The following RFC3 variants were observed in gnomAD, a reference collection of about 807,000 sequenced individuals.
RFC3 encodes replication factor C subunit 3, also known as A1 38 kDa subunit.
A neutral mutation model predicts 45.1 loss-of-function variants in RFC3; 41 were observed. That is an observed-to-expected ratio of 0.91 (90% CI 0.71 to 1.18). The LOEUF (loss-of-function observed/expected upper bound fraction) is 1.18. Among genes scored for constraint, RFC3 ranks in the 50% most tolerant of loss-of-function variants. The probability of loss-of-function intolerance (pLI) is 0.00; values close to 1 mark genes in which losing one functional copy is unlikely to be tolerated. For synonymous variants in RFC3, 149 were observed against 144.0 expected (o/e 1.03, Z -0.25); for missense variants, 423 against 428.1 (o/e 0.99, Z 0.10).
chr13:33,938,352 A>C (rs1480133662), intron 8 of RFC3, among the ~76,000 whole-genome samples: 1 of 152,160 alleles, frequency 6.6e-6, no homozygotes, highest in Non-Finnish European at 1.5e-5. Flanking sequence ...TATATTTTTT[A>C]ACTTTTTATT....
At chr13:33,861,855 G>T (rs1264927484) in intron 8 of RFC3, among the ~76,000 whole-genome samples, 1 of 152,120 alleles carries the variant, frequency 6.6e-6, no homozygotes, top group Non-Finnish European at 1.5e-5. Context: ...ATTTACTGCA[G>T]AATACCCTTT....
intron 8 of RFC3, among the ~76,000 whole-genome samples, chr13:33,869,930 T>C (rs2082396816): frequency 6.6e-6 from 1 of 152,186 alleles, no homozygotes; most frequent in Non-Finnish European, 1.5e-5. Context: ...AACCTGATGC[T>C]GTACAAATCT....
intron 8 of RFC3, among the ~76,000 whole-genome samples, chr13:33,866,741 G>A (rs762014968): frequency 2.0e-5 from 3 of 152,040 alleles, no homozygotes; most frequent in African/African-American, 7.2e-5. Flanking sequence ...CTGGGAAAAA[G>A]GAAATACCTA....
intron 8 of RFC3, among the ~76,000 whole-genome samples, chr13:33,920,856 T>G (rs1342225614): frequency 2.0e-5 from 3 of 152,112 alleles, no homozygotes; most frequent in African/African-American, 7.2e-5. Context: ...AAATGAGTCT[T>G]TATCTTACTA....
intron 4 of RFC3, 106 bp downstream of exon 4, chr13:33,825,992 A>T (rs2082045944): frequency 5.9e-6 from 3 of 510,004 alleles, no homozygotes; most frequent in African/African-American, 2.0e-5. Flanking sequence ...CTCTGGGCTC[A>T]TGGGAGTTTA....
At chr13:33,871,875 C>G (rs776302749) in intron 8 of RFC3, among the ~76,000 whole-genome samples, 9 of 152,160 alleles carry the variant, frequency 5.9e-5, no homozygotes, top group Non-Finnish European at 8.8e-5. Context: ...TTAGTAAAAG[C>G]AAAACATTTA....
At chr13:33,875,317 C>T (rs1171326720) in intron 8 of RFC3, among the ~76,000 whole-genome samples, 2 of 152,056 alleles carry the variant, frequency 1.3e-5, no homozygotes, top group African/African-American at 4.8e-5. Flanking sequence ...TGGGGAGGGC[C>T]TGGAGAGAAC....
chr13:33,829,306 A>G (rs1340606364), intron 4 of RFC3, among the ~76,000 whole-genome samples: 3 of 152,194 alleles, frequency 2.0e-5, no homozygotes, highest in Admixed American at 2.0e-4. Flanking sequence ...ACTGTCTTCC[A>G]AAGTCTATTC....
chr13:33,931,746 C>T (rs2082853841), intron 8 of RFC3, among the ~76,000 whole-genome samples: 1 of 152,008 alleles, frequency 6.6e-6, no homozygotes, highest in South Asian at 2.1e-4. Flanking sequence ...GAAAGTCCTC[C>T]TCCCTTTCCT....
At chr13:33,957,471 G>A (rs2083028855) in intron 8 of RFC3, among the ~76,000 whole-genome samples, 1 of 152,154 alleles carries the variant, frequency 6.6e-6, no homozygotes, top group Non-Finnish European at 1.5e-5. Flanking sequence ...GAGCAGTGTG[G>A]TTGGTGTGCA....
At chr13:33,843,857 G>A (rs2082217982) in intron 8 of RFC3, among the ~76,000 whole-genome samples, 1 of 152,090 alleles carries the variant, frequency 6.6e-6, no homozygotes, top group Non-Finnish European at 1.5e-5. Context: ...TTACCTTCTT[G>A]TTAGCTACCG....
intron 8 of RFC3, among the ~76,000 whole-genome samples, chr13:33,934,681 C>A (rs1593703159): frequency 6.6e-6 from 1 of 152,158 alleles, no homozygotes; most frequent in East Asian, 1.9e-4. Context: ...TGCCTCTTGC[C>A]TAGCCCTGAT....
chr13:33,853,636 C>G (rs117885306), intron 8 of RFC3, among the ~76,000 whole-genome samples: 2 of 152,088 alleles, frequency 1.3e-5, no homozygotes, highest in East Asian at 3.9e-4. Flanking sequence ...GAGAAAGGTA[C>G]GTTGAAGATG....
chr13:33,952,811 C>G (rs2137836582), intron 8 of RFC3, among the ~76,000 whole-genome samples: 1 of 152,322 alleles, frequency 6.6e-6, no homozygotes, highest in East Asian at 1.9e-4. Context: ...AAAGTATCCT[C>G]CTAGGCAAAT....
intron 8 of RFC3, among the ~76,000 whole-genome samples, chr13:33,946,110 C>T (rs1415670645): frequency 6.6e-6 from 1 of 152,166 alleles, no homozygotes; most frequent in Non-Finnish European, 1.5e-5. Flanking sequence ...CTAAAATGGC[C>T]AATAGGAGAA....
intron 8 of RFC3, among the ~76,000 whole-genome samples, chr13:33,914,837 A>G (rs919289870): frequency 6.6e-6 from 1 of 152,164 alleles, no homozygotes; most frequent in Non-Finnish European, 1.5e-5. Context: ...CACCAGTTCT[A>G]TGTTTATAGC....
chr13:33,951,233 A>ATTTTTTTTTTTTTTTTTTT (rs11336021), intron 8 of RFC3, among the ~76,000 whole-genome samples: 2 of 134,158 alleles, frequency 1.5e-5, no homozygotes, highest in African/African-American at 5.5e-5. Flanking sequence ...CTATAAGTAC[A>ATTTTTTTTTTTTTTTTTTT]TTTTTTTTTT....
At chr13:33,824,008 T>A (rs1407341344) in intron 3 of RFC3, 24 bp downstream of exon 3, 2 of 1,196,852 alleles carry the variant, frequency 1.7e-6, no homozygotes, top group African/African-American at 1.6e-5. Context: ...ATATAGAAAT[T>A]AAGTATTTTT....
At chr13:33,835,572 A>G (rs2082146273) in intron 8 of RFC3, 2 of 444,330 alleles carry the variant, frequency 4.5e-6, no homozygotes, top group Non-Finnish European at 8.6e-6. Flanking sequence ...GTTTTCACAA[A>G]GGTAACCACT....
Sources: gnomAD v4.1 joint callset for allele counts (sites outside exome capture counted in the v4.1 genomes callset) on GRCh38, gnomAD v4.1.1 for gene constraint, MANE v1.5 for transcripts, NCBI Gene and HGNC (gene_info 2026-07-23, HGNC 2026-07-21) for gene names.